Variants in MAST4 observed in about 807,000 individuals in gnomAD.
MAST4 encodes microtubule-associated serine/threonine-protein kinase 4.
Under a neutral mutation model 162.7 loss-of-function variants are expected in MAST4, and 89 were observed. The ratio of observed to expected loss-of-function variants is 0.55; its 90% CI spans 0.46 to 0.65. The LOEUF is 0.65. Ranked by LOEUF, MAST4 falls within the 30% of genes least tolerant of loss-of-function variation. The pLI is 0.00. For missense variants in MAST4, 3,153 were observed against 3,374.0 expected (o/e 0.93, Z 1.62); for synonymous variants, 1,479 against 1,361.1 (o/e 1.09, Z -1.91).
chr5:67,104,179 C>T lies in MAST4; in HGVS notation c.1147-187C>T, dbSNP rs541894242. 3.9e-5 allele frequency among the ~76,000 whole-genome samples: 6 copies of T among 152,276 alleles called. No homozygotes were observed. In the South Asian group the frequency reaches 1.2e-3, roughly 32 times the overall value. On this transcript the variant is annotated intron_variant, in intron 9 of 28. Coordinates refer to ENST00000403625, the MANE Select transcript of MAST4 (RefSeq NM_001164664.2). ...GTGTTGTATAATCAATGGGTTCAGA[C>T]AAATGTCTGATGACATGTATGTACC...
Position 66,855,633 on chromosome 5 carries a change from C to T in MAST4, c.643-44318C>T, listed in dbSNP as rs116244135. Among the ~76,000 whole-genome samples the T allele has an allele frequency of 6.8e-3, 1,032 of 152,148 alleles. 11 individuals are homozygous for T. Among genetic ancestry groups the T allele is most frequent in the African/African-American group, 0.024 (987 of 41,498 alleles). ...AGTGTAAGGGTGCTGTGATGGGCAA[C>T]GGGAATGTCATTTGACTGACACCTC... On this transcript the variant is annotated intron_variant, in intron 3 of 28. Transcript: ENST00000403625.
chr5:66,997,075 C>T (rs899765527), intron 4 of MAST4, among the ~76,000 whole-genome samples: 1 of 152,132 alleles, frequency 6.6e-6, no homozygotes, highest in African/African-American at 2.4e-5. Context: ...AGATTAATTT[C>T]CATATCCACA....
chr5:67,057,296 A>C (rs58006649), intron 5 of MAST4, among the ~76,000 whole-genome samples: 6,201 of 152,176 alleles, frequency 0.041, 406 homozygotes, highest in African/African-American at 0.14. Context: ...ATCTCCATCA[A>C]AATGAGAAGG....
chr5:67,135,977 G>C (rs1234399240), intron 18 of MAST4, among the ~76,000 whole-genome samples: 1 of 152,162 alleles, frequency 6.6e-6, no homozygotes, highest in Non-Finnish European at 1.5e-5. Flanking sequence ...CCATTACTAT[G>C]ATTACTTTGG....
intron 3 of MAST4, among the ~76,000 whole-genome samples, chr5:66,824,511 C>T (rs1488640577): frequency 6.6e-6 from 1 of 152,216 alleles, no homozygotes; most frequent in African/African-American, 2.4e-5. Flanking sequence ...GTGGGAACTC[C>T]TCAAATGTTC....
intron 1 of MAST4, among the ~76,000 whole-genome samples, chr5:66,613,361 G>A (rs1261517502): frequency 7.3e-6 from 1 of 136,310 alleles, no homozygotes; most frequent in Non-Finnish European, 1.6e-5. Context: ...GGATAGCATT[G>A]TCTTCCTCTG....
At chr5:66,617,077 A>AT (rs1471297985) in intron 1 of MAST4, among the ~76,000 whole-genome samples, 2 of 152,194 alleles carry the variant, frequency 1.3e-5, no homozygotes, top group Non-Finnish European at 2.9e-5. Context: ...AATTGACTGG[A>AT]TTTTTTTCTA....
intron 5 of MAST4, among the ~76,000 whole-genome samples, chr5:67,078,707 ATAT>A (rs565310562): frequency 0.022 from 2,613 of 121,246 alleles, 49 homozygotes; most frequent in Non-Finnish European, 0.03. Context: ...TTTATATATA[ATAT>A]TTATTTATAT....
intron 3 of MAST4, 26 bp downstream of exon 3, chr5:66,788,820 G>A (rs762203362): frequency 5.2e-6 from 8 of 1,526,254 alleles, no homozygotes; most frequent in Non-Finnish European, 7.0e-6. Flanking sequence ...CGCCGGTGGA[G>A]GCTGCTCCAG....
intron 4 of MAST4, among the ~76,000 whole-genome samples, chr5:66,926,745 G>C (rs1580901525): frequency 1.3e-5 from 2 of 150,488 alleles, no homozygotes; most frequent in East Asian, 3.9e-4. Context: ...TTGTTTTTTT[G>C]CTATATGAAG....
intron 1 of MAST4, among the ~76,000 whole-genome samples, chr5:66,599,192 G>A (rs1273554416): frequency 2.0e-5 from 3 of 152,124 alleles, no homozygotes; most frequent in Admixed American, 1.3e-4. Context: ...TTTGTGAAAG[G>A]GGTTGAAGTC....
intron 14 of MAST4, among the ~76,000 whole-genome samples, chr5:67,124,800 C>G (rs951716124): frequency 2.0e-5 from 3 of 152,136 alleles, no homozygotes; most frequent in Non-Finnish European, 4.4e-5. Flanking sequence ...GTTTTATGAA[C>G]TGAAAATCTG....
At chr5:66,892,675 C>T (rs921699778) in intron 3 of MAST4, among the ~76,000 whole-genome samples, 1 of 152,008 alleles carries the variant, frequency 6.6e-6, no homozygotes, top group Non-Finnish European at 1.5e-5. Context: ...CCAGCCCTCC[C>T]TGCTCGTGTA....
In MAST4 at chr5:67,095,645, T is replaced by C. The variant is rs1190887176; in HGVS notation, c.882T>C (p.Tyr294=). ...TGGCTTCTCTCCCTTCCTCTGGCTA[T>C]GGGACAAACACACCCAGCTCTACGG... ...WSLASLPSSG[Y]GTNTPSSTVS... The change falls in exon 7 of 29, where the codon TAT becomes TAC. Residue 294 remains tyrosine (Y), a synonymous_variant. Transcript: ENST00000403625. 2 of 1,608,870 alleles carry C rather than the reference T, an allele frequency of 1.2e-6. No homozygotes were observed. Among genetic ancestry groups the C allele is most frequent in the East Asian group, 4.5e-5 (2 of 44,798 alleles).
intron 2 of MAST4, among the ~76,000 whole-genome samples, chr5:66,781,777 A>G (rs1164834802): frequency 2.0e-5 from 3 of 152,226 alleles, no homozygotes; most frequent in Admixed American, 2.0e-4. Flanking sequence ...ATTTAAGACT[A>G]TGGATTGGCT....
intron 19 of MAST4, among the ~76,000 whole-genome samples, chr5:67,138,042 AG>A (rs1769889417): frequency 6.6e-6 from 1 of 152,158 alleles, no homozygotes; most frequent in Non-Finnish European, 1.5e-5. Context: ...TAACCTGAAA[AG>A]CCAATATAAA....
At chr5:66,647,359 A>G (rs1745908985) in intron 1 of MAST4, among the ~76,000 whole-genome samples, 1 of 152,132 alleles carries the variant, frequency 6.6e-6, no homozygotes, top group African/African-American at 2.4e-5. Context: ...TGACTACCCC[A>G]TGTCCTTGAG....
chr5:66,911,694 A>G (rs1399253463), intron 4 of MAST4, among the ~76,000 whole-genome samples: 1 of 151,554 alleles, frequency 6.6e-6, no homozygotes, highest in East Asian at 1.9e-4. Flanking sequence ...TGATCATACC[A>G]CTGCACTTTA....
chr5:66,874,889 G>T (rs565052205), intron 3 of MAST4, among the ~76,000 whole-genome samples: 1 of 152,104 alleles, frequency 6.6e-6, no homozygotes, highest in South Asian at 2.1e-4. Flanking sequence ...TGAAGAATAA[G>T]TGTCTTTGAC....
Sources: gnomAD v4.1 joint callset for allele counts (sites outside exome capture counted in the v4.1 genomes callset) on GRCh38, gnomAD v4.1.1 for gene constraint, MANE v1.5 for transcripts, NCBI Gene and HGNC (gene_info 2026-07-23, HGNC 2026-07-21) for gene names.